Variants in PRDM16 observed in about 807,000 individuals in gnomAD.
PRDM16 encodes the protein PR/SET domain 16, also known as histone-lysine N-methyltransferase PRDM16.
PRDM16 carries 23 observed loss-of-function variants against 110.6 expected under a neutral mutation model. The observed-to-expected ratio is 0.21, with a 90% CI of 0.15 to 0.29. The LOEUF is 0.29. PRDM16 is among the 10% of genes least tolerant of loss of function. The probability of loss-of-function intolerance (pLI) is 1.00; values close to 1 mark genes in which losing one functional copy is unlikely to be tolerated. For missense variants in PRDM16, 1,615 were observed against 1,794.3 expected, an observed-to-expected ratio of 0.90 and a Z score of 1.81; for synonymous variants, 799 against 781.8, an observed-to-expected ratio of 1.02 and a Z score of -0.37.
rs1056615702 is a variant in PRDM16 at position 3,213,357 on chromosome 1, G to A, written c.387+26883G>A. 1.3e-5 allele frequency among the ~76,000 whole-genome samples: 2 copies of A among 152,112 alleles called. No homozygotes were observed. The highest frequency in any genetic ancestry group is 4.8e-5 in the African/African-American group (2 of 41,406). On this transcript the variant is annotated intron_variant, in intron 2 of 16. Transcript: ENST00000270722. This position sits in a 1 kb window ranked among gnomAD's most constrained non-coding sequence, Gnocchi z 5.3. ...ACAAATCACCCTAACTATTTTGCTG[G>A]GGAGAGGGGTGTGGGGGCGGGATGG...
intron 9 of PRDM16, among the ~76,000 whole-genome samples, chr1:3,413,051 C>T (rs902638075): frequency 1.3e-5 from 2 of 152,140 alleles, no homozygotes; most frequent in Non-Finnish European, 2.9e-5. Context: ...CTCCTGGACA[C>T]GTGCAGTTTG....
chr1:3,250,445 C>A (rs1639903129), intron 3 of PRDM16, among the ~76,000 whole-genome samples: 1 of 152,060 alleles, frequency 6.6e-6, no homozygotes, highest in South Asian at 2.1e-4. Context: ...ACAACTTTAT[C>A]AATGTAACCC....
chr1:3,246,564 C>T lies in PRDM16; in HGVS notation c.438+2427C>T, dbSNP rs74832584. Among the ~76,000 whole-genome samples, 13,848 of 152,244 alleles carry T rather than the reference C, an allele frequency of 0.091. 938 individuals carry two copies. The highest frequency in any genetic ancestry group is 0.19 in the African/African-American group (7,823 of 41,510). On this transcript the variant is annotated intron_variant, in intron 3 of 16. Coordinates refer to ENST00000270722, the MANE Select transcript of PRDM16 (RefSeq NM_022114.4). This position sits in a 1 kb window ranked among gnomAD's most constrained non-coding sequence, Gnocchi z 5.2. Reference sequence around the variant, plus strand: ...CTGCCGCTGCCCTGCAGGCCCAGTCCGAGGGGCTGGGGGCTGCCTGGAGGA... The same window carrying T: ...CTGCCGCTGCCCTGCAGGCCCAGTCTGAGGGGCTGGGGGCTGCCTGGAGGA...
At position 3,425,937 on chromosome 1, in the gene PRDM16, A is replaced by G; in HGVS notation, c.3110-114A>G. The G allele has an allele frequency of 3.8e-6, 5 of 1,325,452 alleles. No individual in the cohort carries two copies. In the East Asian group the frequency reaches 7.4e-5, roughly 20 times the overall value. 82.1% of individuals were successfully genotyped at this position (1,325,452 alleles called of 1,614,324 possible). On this transcript the variant is annotated intron_variant, in intron 13 of 16. Transcript: ENST00000270722. This position sits in a 1 kb window ranked among gnomAD's most constrained non-coding sequence, Gnocchi z 6.9. ...GAACCTCGTGCTCTCCGGTGTCCCT[A>G]AGAAACCTGCCTCCCTAACAGCACC...
chr1:3,194,104 T>A, intron 2 of PRDM16, among the ~76,000 whole-genome samples: 1 of 152,214 alleles, frequency 6.6e-6, no homozygotes, highest in East Asian at 1.9e-4. Flanking sequence ...GTCCGGCACC[T>A]GCACCAGACC....
At chr1:3,399,695 A>G (rs936457005) in intron 5 of PRDM16, among the ~76,000 whole-genome samples, 2 of 152,138 alleles carry the variant, frequency 1.3e-5, no homozygotes, top group African/African-American at 4.8e-5. Flanking sequence ...CTAAATTTTT[A>G]TTTTCATCCC....
chr1:3,268,365 A>AG (rs1640348680), intron 3 of PRDM16, among the ~76,000 whole-genome samples: 5 of 152,252 alleles, frequency 3.3e-5, no homozygotes, highest in Admixed American at 6.5e-5. Flanking sequence ...CCCCTTAATT[A>AG]ATGGACTACG....
chr1:3,178,884 A>T (rs1026586917), intron 1 of PRDM16, among the ~76,000 whole-genome samples: 13 of 151,240 alleles, frequency 8.6e-5, no homozygotes, highest in African/African-American at 2.9e-4. Flanking sequence ...CTCCACTCAG[A>T]CTCCTGAGCC....
rs374937969 is a variant in PRDM16, at chr1:3,411,722, G to C, written c.1525G>C (p.Ala509Pro). ...PFSTAPPTFP[A>P]LTPGFPGIFP... ...CTCCACGGCGCCTCCCACGTTCCCC[G>C]CACTCACCCCCGGCTTCCCGGGCAT... The change falls in exon 9 of 17, where the codon GCA (alanine) becomes CCA (proline). Residue 509 changes from alanine (A) to proline (P), a missense_variant. Around this residue, in one of 5 missense-constraint regions of PRDM16, gnomAD observed 772 missense variants for 748.3 expected, o/e 1.03. Coordinates refer to ENST00000270722, the MANE Select transcript of PRDM16 (RefSeq NM_022114.4). 1 of 1,610,670 alleles carries C rather than the reference G, an allele frequency of 6.2e-7. No individual in the cohort carries two copies. The highest frequency in any genetic ancestry group is 1.1e-5 in the South Asian group (1 of 90,578).
chr1:3,412,355 C>T lies in PRDM16; in HGVS notation c.2158C>T (p.Pro720Ser). ...GCAGGAGAAGAAGCTGGGCTCGCTC[C>T]CCTACCACTCGGCGTTCCCCTTCCA... ...GMQEKKLGSL[P>S]YHSAFPFQFL... The change falls in exon 9 of 17, where the codon CCC (proline) becomes TCC (serine). Residue 720 changes from proline (P) to serine (S), a missense_variant. Coordinates refer to ENST00000270722, the MANE Select transcript of PRDM16 (RefSeq NM_022114.4). 6.2e-7 allele frequency: 1 copy of T among 1,613,668 alleles called. No individual in the cohort carries two copies. The highest frequency in any genetic ancestry group is 8.5e-7 in the Non-Finnish European group (1 of 1,180,022).
At chr1:3,111,330 G>C (rs1193630464) in intron 1 of PRDM16, among the ~76,000 whole-genome samples, 1 of 152,072 alleles carries the variant, frequency 6.6e-6, no homozygotes, top group East Asian at 1.9e-4. Flanking sequence ...TGGGCAGTGG[G>C]GGAGGCAGGA....
chr1:3,321,134 G>C lies in PRDM16; in HGVS notation c.439-64018G>C, dbSNP rs150761087. On this transcript the variant is annotated intron_variant, in intron 3 of 16. Coordinates refer to ENST00000270722, the MANE Select transcript of PRDM16 (RefSeq NM_022114.4). ...ACTTTCACAAAGGAAGAGGAACAGA[G>C]GGATCGGAGAAGTTGGGAGAGGGGA... Among the ~76,000 whole-genome samples, 1,162 of 152,364 alleles carry C rather than the reference G, an allele frequency of 7.6e-3. 11 individuals carry two copies. The highest frequency in any genetic ancestry group is 0.017 in the Middle Eastern group (5 of 294).
At chr1:3,151,467 T>C (rs1557486252) in intron 1 of PRDM16, among the ~76,000 whole-genome samples, 1 of 152,220 alleles carries the variant, frequency 6.6e-6, no homozygotes, top group African/African-American at 2.4e-5. Flanking sequence ...CTCTAGGTAG[T>C]TCCATGTGGG....
chr1:3,336,717 T>A (rs1642163077), intron 3 of PRDM16, among the ~76,000 whole-genome samples: 1 of 151,594 alleles, frequency 6.6e-6, no homozygotes. Flanking sequence ...TGCATGCACA[T>A]GTGTGTTGGT....
chr1:3,358,793 G>A lies in PRDM16; in HGVS notation c.439-26359G>A, dbSNP rs1209553707. 6.6e-6 allele frequency among the ~76,000 whole-genome samples: 1 copy of A among 152,184 alleles called. No homozygotes were observed. Among genetic ancestry groups the A allele is most frequent in the East Asian group, 1.9e-4 (1 of 5,190 alleles). The stretch of plus-strand genomic sequence containing the variant: ...CCCACCTCCTTCCAGTCTCCACAAA[G>A]TCACAGTGTGTGATGATTCCTGCCG... On this transcript the variant is annotated intron_variant, in intron 3 of 16. Coordinates refer to ENST00000270722, the MANE Select transcript of PRDM16 (RefSeq NM_022114.4). This position sits in a 1 kb window ranked among gnomAD's most constrained non-coding sequence, Gnocchi z 4.0.
At chr1:3,307,062 G>A (rs1326323866) in intron 3 of PRDM16, 1 of 152,206 alleles carries the variant, frequency 6.6e-6, no homozygotes, top group Non-Finnish European at 1.5e-5. Context: ...GGGCCACATT[G>A]TGCTTATCCA....
chr1:3,359,918 C>T lies in PRDM16; in HGVS notation c.439-25234C>T, dbSNP rs370546637. 2.6e-5 allele frequency among the ~76,000 whole-genome samples: 4 copies of T among 152,336 alleles called. No homozygotes were observed. Among genetic ancestry groups the T allele is most frequent in the African/African-American group, 4.8e-5 (2 of 41,576 alleles). On this transcript the variant is annotated intron_variant, in intron 3 of 16. Transcript: ENST00000270722. The surrounding 1 kb of genome is among the most constrained non-coding windows in gnomAD (Gnocchi z 4.3). ...GACGGATGCCGTGTGCACGCAAAGA[C>T]GGCAGCCAGCTCCTCACAGAAGGCC...
chr1:3,294,450 G>A (rs1413572032), intron 3 of PRDM16, among the ~76,000 whole-genome samples: 1 of 152,024 alleles, frequency 6.6e-6, no homozygotes, highest in African/African-American at 2.4e-5. Flanking sequence ...GGTAGGGAGG[G>A]GCCCCAAGAG....
intron 3 of PRDM16, chr1:3,306,818 C>T (rs1028710815): frequency 6.6e-6 from 1 of 152,272 alleles, no homozygotes; most frequent in Non-Finnish European, 1.5e-5. Context: ...TATTAGTACT[C>T]ACTCCGCACT....
Sources: allele counts gnomAD v4.1 joint callset (sites outside exome capture counted in the v4.1 genomes callset), GRCh38; gene constraint gnomAD v4.1.1; regional missense constraint gnomAD v4.1.1; non-coding constraint Gnocchi (gnomAD v3.1); transcripts MANE v1.5; gene names NCBI Gene and HGNC (gene_info 2026-07-23, HGNC 2026-07-21).